The following INVS variants were observed in gnomAD, a reference collection of about 807,000 sequenced individuals.
The protein encoded by INVS is inversion of embryo turning homolog.
A neutral mutation model predicts 108.8 loss-of-function variants in INVS; 86 were observed. The observed-to-expected ratio is 0.79, with a 90% CI of 0.66 to 0.95. The LOEUF is 0.95. Ranked by LOEUF, INVS falls within the 40% of genes least tolerant of loss-of-function variation. INVS has a pLI of 0.00. For synonymous variants in INVS, 455 were observed against 473.5 expected, an observed-to-expected ratio of 0.96 and a Z score of 0.51; for missense variants, 1,169 against 1,297.4, an observed-to-expected ratio of 0.90 and a Z score of 1.52.
At chr9:100,288,703 C>G (rs1833521190) in intron 13 of INVS, among the ~76,000 whole-genome samples, 1 of 152,004 alleles carries the variant, frequency 6.6e-6, no homozygotes, top group African/African-American at 2.4e-5. Flanking sequence ...TCACTGCAAC[C>G]TCTGCCTCCC....
At chr9:100,115,314 T>A (rs1827478547) in intron 2 of INVS, among the ~76,000 whole-genome samples, 1 of 151,270 alleles carries the variant, frequency 6.6e-6, no homozygotes. Context: ...ATATATATAT[T>A]TTTATTATAC....
chr9:100,255,506 A>G (rs1832388362), intron 10 of INVS, among the ~76,000 whole-genome samples: 1 of 152,158 alleles, frequency 6.6e-6, no homozygotes, highest in African/African-American at 2.4e-5. Flanking sequence ...TTCAAAGGGA[A>G]TGCTTCCAGT....
At chr9:100,115,807 A>C (rs982398627) in intron 2 of INVS, among the ~76,000 whole-genome samples, 8 of 152,164 alleles carry the variant, frequency 5.3e-5, no homozygotes, top group African/African-American at 1.9e-4. Flanking sequence ...TTGGGTATAC[A>C]CCCAGTAATG....
In INVS at chr9:100,099,261, A is replaced by G; in HGVS notation, c.-180A>G. 1 of 162,768 alleles carries G rather than the reference A, an allele frequency of 6.1e-6. No homozygotes were observed. Among genetic ancestry groups the G allele is most frequent in the Non-Finnish European group, 1.4e-5 (1 of 73,852 alleles). The allele number at this position is 162,768 out of a possible 1,614,324, so 10.1% of individuals were successfully genotyped here. A position where few individuals can be genotyped will look rare whatever the true frequency, so the allele number is the denominator to read the frequency against. Reference sequence around the variant, plus strand: ...AATTCCCAGAAGGATGTGCGGCCGAAAGCCTCGGGCGGCCTTTTGAGGGGC... The same window carrying G: ...AATTCCCAGAAGGATGTGCGGCCGAGAGCCTCGGGCGGCCTTTTGAGGGGC... On this transcript the variant is annotated 5_prime_UTR_variant, in exon 1 of 17. Coordinates refer to ENST00000262457, the MANE Select transcript of INVS (RefSeq NM_014425.5).
intron 3 of INVS, among the ~76,000 whole-genome samples, chr9:100,209,990 TC>T (rs1279629655): frequency 6.6e-6 from 1 of 152,118 alleles, no homozygotes; most frequent in East Asian, 1.9e-4. Flanking sequence ...CACAATGCCG[TC>T]GCACATTCAG....
At chr9:100,151,606 T>G (rs1263409722) in intron 3 of INVS, among the ~76,000 whole-genome samples, 1 of 152,170 alleles carries the variant, frequency 6.6e-6, no homozygotes, top group Non-Finnish European at 1.5e-5. Context: ...CAAGAATATG[T>G]TTTCACTCTG....
intron 3 of INVS, among the ~76,000 whole-genome samples, chr9:100,211,797 AC>A (rs1830839139): frequency 6.6e-6 from 1 of 152,228 alleles, no homozygotes; most frequent in African/African-American, 2.4e-5. Flanking sequence ...AACATCTTAA[AC>A]TTGGAAAATA....
chr9:100,142,603 T>G (rs1828468815), intron 3 of INVS, among the ~76,000 whole-genome samples: 1 of 152,000 alleles, frequency 6.6e-6, no homozygotes, highest in African/African-American at 2.4e-5. Flanking sequence ...CAATGGTAAT[T>G]GTGGGAGACT....
In INVS at chr9:100,240,221, G is replaced by T. The variant is rs775663563; in HGVS notation, c.777G>T (p.Leu259=). 6.2e-7 allele frequency: 1 copy of T among 1,613,804 alleles called. No homozygotes were observed. Among genetic ancestry groups the T allele is most frequent in the East Asian group, 2.2e-5 (1 of 44,868 alleles). Residue 259 remains leucine, a synonymous_variant, in exon 6 of 17, where the codon CTG becomes CTT. Transcript: ENST00000262457. The part of the protein sequence containing the change: ...TSYDNLFRTP[L]HWAALLGHAQ... ...ATGATAACTTATTTCGAACCCCACT[G>T]CACTGGGCAGCTTTATTAGGTACGT...
intron 12 of INVS, among the ~76,000 whole-genome samples, chr9:100,281,101 TTGTA>T (rs1833262629): frequency 6.6e-6 from 1 of 152,234 alleles, no homozygotes; most frequent in South Asian, 2.1e-4. Context: ...CCCAGCTTCT[TTGTA>T]TGACCCAATT....
At chr9:100,109,123 T>G (rs1254082089) in intron 2 of INVS, among the ~76,000 whole-genome samples, 6 of 152,212 alleles carry the variant, frequency 3.9e-5, no homozygotes, top group Non-Finnish European at 5.9e-5. Context: ...TACAGTGTAG[T>G]ATTGGTAGAA....
chr9:100,101,092 A>G (rs1327363083), intron 1 of INVS, among the ~76,000 whole-genome samples: 1 of 130,800 alleles, frequency 7.6e-6, no homozygotes, highest in Non-Finnish European at 1.6e-5. Flanking sequence ...ACACATATAT[A>G]TAAAACAGAG....
intron 3 of INVS, among the ~76,000 whole-genome samples, chr9:100,194,938 T>G (rs917243365): frequency 5.3e-5 from 8 of 152,120 alleles, no homozygotes; most frequent in Admixed American, 5.2e-4. Flanking sequence ...ACTGGGGTAG[T>G]GGTGAAACTT....
chr9:100,237,218 C>G (rs1449189721), intron 5 of INVS, among the ~76,000 whole-genome samples: 1 of 152,162 alleles, frequency 6.6e-6, no homozygotes, highest in Non-Finnish European at 1.5e-5. Context: ...CCACCACGCT[C>G]AGGCATCCCA....
At chr9:100,194,852 C>T (rs1030054358) in intron 3 of INVS, among the ~76,000 whole-genome samples, 1 of 152,068 alleles carries the variant, frequency 6.6e-6, no homozygotes. Flanking sequence ...TGTGGCTGTG[C>T]CCCTGGTTGG....
At chr9:100,286,067 A>G (rs2787369) in intron 13 of INVS, among the ~76,000 whole-genome samples, 47,135 of 152,094 alleles carry the variant, frequency 0.31, 8,459 homozygotes, top group Non-Finnish European at 0.42. Flanking sequence ...GGACAGTTCA[A>G]TCTGTTTCTT....
chr9:100,236,149 G>A lies in INVS; in HGVS notation c.616-3911G>A, dbSNP rs117383243. 1.4e-3 allele frequency among the ~76,000 whole-genome samples: 217 copies of A among 152,126 alleles called. 1 individual carries two copies. The East Asian group carries it at 0.036, about 25-fold the overall frequency. On this transcript the variant is annotated intron_variant, in intron 5 of 16. Transcript: ENST00000262457. ...ATCCTTTCCTCCACTTGATCGATCC[G>A]GCTGTTGATACTTGTGTATGCTTCA... is the stretch of plus-strand genomic sequence containing the variant.
intron 13 of INVS, among the ~76,000 whole-genome samples, chr9:100,286,429 A>G (rs1481660587): frequency 6.6e-6 from 1 of 152,098 alleles, no homozygotes; most frequent in Non-Finnish European, 1.5e-5. Context: ...TGGTGCATGC[A>G]ACTCAGGAGG....
intron 3 of INVS, among the ~76,000 whole-genome samples, chr9:100,219,693 A>G (rs1742073864): frequency 6.6e-6 from 1 of 152,176 alleles, no homozygotes; most frequent in African/African-American, 2.4e-5. Flanking sequence ...AACATGCTAA[A>G]TATCCCTCTA....
Sources: allele counts gnomAD v4.1 joint callset (sites outside exome capture counted in the v4.1 genomes callset), GRCh38; gene constraint gnomAD v4.1.1; transcripts MANE v1.5; gene names NCBI Gene and HGNC (gene_info 2026-07-23, HGNC 2026-07-21).